PDXDC1: variants seen among roughly 807,000 people sequenced by gnomAD.
PDXDC1 encodes pyridoxal dependent decarboxylase domain containing 1, also known as pyridoxal-dependent decarboxylase domain-containing protein 1.
A neutral mutation model predicts 100.1 loss-of-function variants in PDXDC1; 42 were observed. The observed-to-expected ratio is 0.42, with a 90% CI of 0.33 to 0.54. The LOEUF is 0.54. PDXDC1 is among the 20% of genes least tolerant of loss of function. The probability of loss-of-function intolerance (pLI) is 0.10; values close to 1 mark genes in which losing one functional copy is unlikely to be tolerated. For missense variants in PDXDC1, 636 were observed against 979.2 expected (o/e 0.65, Z 4.68); for synonymous variants, 260 against 371.7 (o/e 0.70, Z 3.46).
chr16:15,031,157 C>G (rs1177491973), intron 16 of PDXDC1, among the ~76,000 whole-genome samples: 1 of 136,416 alleles, frequency 7.3e-6, no homozygotes, highest in Admixed American at 8.0e-5. Context: ...TGGTCTCACT[C>G]TGTCACCCAG....
intron 3 of PDXDC1, among the ~76,000 whole-genome samples, chr16:15,000,635 T>A (rs568661646): frequency 1.4e-3 from 214 of 152,344 alleles, no homozygotes; most frequent in African/African-American, 4.3e-3. Context: ...CCGTTCGAAT[T>A]CTTTTCGTAA....
At chr16:15,130,042 C>G (rs1260946266) in intron 16 of PDXDC1, 13 of 1,287,040 alleles carry the variant, frequency 1.0e-5, no homozygotes, top group Admixed American at 1.9e-5. Context: ...CAGCACATGT[C>G]AGCATGACGA....
At chr16:15,097,928 C>T (rs1320229872) in intron 16 of PDXDC1, among the ~76,000 whole-genome samples, 6 of 137,534 alleles carry the variant, frequency 4.4e-5, no homozygotes, top group Admixed American at 7.6e-5. Flanking sequence ...TGTTTGTTTT[C>T]AACATTATGC....
intron 1 of PDXDC1, among the ~76,000 whole-genome samples, chr16:14,976,498 C>T (rs1426885822): frequency 6.6e-6 from 1 of 152,286 alleles, no homozygotes; most frequent in Non-Finnish European, 1.5e-5. Flanking sequence ...ATATGGTTTT[C>T]TTGTGCCATC....
chr16:15,130,404 C>T lies in PDXDC1; in HGVS notation c.1400-8475C>T, dbSNP rs555013479. On this transcript the variant is annotated intron_variant, in intron 16 of 16. Transcript: ENST00000535621. ...CACGGACACCTCCAGCGCCGACAGG[C>T]GGAAGTGGCTGGAGAGGTTCAGACG... 441 of 1,575,192 alleles carry T rather than the reference C, an allele frequency of 2.8e-4. 3 individuals are homozygous for T. The African/African-American group carries it at 5.1e-3, about 18-fold the overall frequency.
At chr16:15,000,314 C>G (rs1462913023) in intron 3 of PDXDC1, among the ~76,000 whole-genome samples, 3 of 152,282 alleles carry the variant, frequency 2.0e-5, no homozygotes, top group African/African-American at 7.2e-5. Flanking sequence ...AGTGCCATAC[C>G]TTCACTGTCT....
At chr16:15,129,009 G>A (rs547988405) in intron 16 of PDXDC1, among the ~76,000 whole-genome samples, 4,578 of 150,938 alleles carry the variant, frequency 0.03, 128 homozygotes, top group Admixed American at 0.093. Flanking sequence ...GGGTTTCACC[G>A]TTAGCCAGGA....
At chr16:15,046,307 G>A (rs951758372) in intron 16 of PDXDC1, among the ~76,000 whole-genome samples, 1 of 152,180 alleles carries the variant, frequency 6.6e-6, no homozygotes, top group African/African-American at 2.4e-5. Flanking sequence ...TATGATGGGA[G>A]TAGTTCACTC....
intron 16 of PDXDC1, among the ~76,000 whole-genome samples, chr16:15,112,139 A>G (rs1442551540): frequency 6.8e-6 from 1 of 147,712 alleles, no homozygotes; most frequent in Admixed American, 6.8e-5. Flanking sequence ...GATATTAAGT[A>G]TTTGTTCTCA....
intron 16 of PDXDC1, chr16:15,127,936 G>T: frequency 1.4e-6 from 2 of 1,445,904 alleles, no homozygotes; most frequent in Non-Finnish European, 1.9e-6. Context: ...GAGGCCACGG[G>T]GCAGGACCAC....
At chr16:15,100,680 A>G (rs1327410487) in intron 16 of PDXDC1, among the ~76,000 whole-genome samples, 1 of 152,118 alleles carries the variant, frequency 6.6e-6, no homozygotes, top group Non-Finnish European at 1.5e-5. Flanking sequence ...ATTAAGAACC[A>G]CTGGTATAAA....
At chr16:14,976,463 T>A (rs1966841790) in intron 1 of PDXDC1, among the ~76,000 whole-genome samples, 1 of 152,284 alleles carries the variant, frequency 6.6e-6, no homozygotes, top group Non-Finnish European at 1.5e-5. Context: ...TTAGCATAAA[T>A]TGGGTGGAAG....
At chr16:15,022,820 A>G in intron 13 of PDXDC1, 66 bp downstream of exon 13, 2 of 1,243,088 alleles carry the variant, frequency 1.6e-6, no homozygotes, top group Non-Finnish European at 2.3e-6. Context: ...ACTTTGAATG[A>G]TTTTAGAACT....
the PDXDC1 span, among the ~76,000 whole-genome samples, chr16:15,145,218 G>A: frequency 6.6e-6 from 1 of 152,228 alleles, no homozygotes; most frequent in African/African-American, 2.4e-5. Context: ...GCGCCCGGCT[G>A]TGCGGGCACA....
intron 6 of PDXDC1, among the ~76,000 whole-genome samples, chr16:15,007,239 C>T (rs1206609406): frequency 4.4e-5 from 6 of 137,542 alleles, no homozygotes; most frequent in African/African-American, 1.3e-4. Context: ...GGCGTGATCT[C>T]GGCTCACTGC....
intron 5 of PDXDC1, among the ~76,000 whole-genome samples, chr16:15,005,315 A>AG (rs1974033964): frequency 1.3e-5 from 2 of 150,180 alleles, no homozygotes; most frequent in Non-Finnish European, 2.9e-5. Context: ...AAAAAAAAAA[A>AG]AAAAAGAAAA....
Position 15,037,053 on chromosome 16 carries a change from T to TA in PDXDC1, c.*780dup, listed in dbSNP as rs1457174385. On this transcript the variant is annotated 3_prime_UTR_variant, in exon 23 of 23. Coordinates refer to ENST00000396410, the MANE Select transcript of PDXDC1 (RefSeq NM_015027.4). ...CTGAAAACCTGATAGATGCTACCCT[T>TA]AAGAGCTTGCTCTTCCGTGTGCTAC... The TA allele has an allele frequency of 6.6e-6, 1 of 152,218 alleles. No individual in the cohort carries two copies. Among genetic ancestry groups the TA allele is most frequent in the African/African-American group, 2.4e-5 (1 of 41,466 alleles). 9.4% of individuals were successfully genotyped at this position (152,218 alleles called of 1,614,324 possible). A position where few individuals can be genotyped will look rare whatever the true frequency, so the allele number is the denominator to read the frequency against.
intron 16 of PDXDC1, among the ~76,000 whole-genome samples, chr16:15,089,253 T>C (rs2046023951): frequency 6.6e-6 from 1 of 151,964 alleles, no homozygotes; most frequent in African/African-American, 2.4e-5. Flanking sequence ...ATCATCCCAC[T>C]ACACTACAGC....
the PDXDC1 span, among the ~76,000 whole-genome samples, chr16:15,147,255 G>C: frequency 6.6e-6 from 1 of 152,174 alleles, no homozygotes; most frequent in African/African-American, 2.4e-5. Flanking sequence ...ATCCCAGCCC[G>C]ACTCGGAAGC....
Sources: gnomAD v4.1 joint callset for allele counts (sites outside exome capture counted in the v4.1 genomes callset) on GRCh38, gnomAD v4.1.1 for gene constraint, MANE v1.5 for transcripts, NCBI Gene and HGNC (gene_info 2026-07-23, HGNC 2026-07-21) for gene names.